The following PCNX2 variants were observed in gnomAD, a reference collection of about 807,000 sequenced individuals.
PCNX2 encodes pecanex-like protein 2.
Under a neutral mutation model 223.8 loss-of-function variants are expected in PCNX2, and 168 were observed. That is an observed-to-expected ratio of 0.75 (90% CI 0.66 to 0.85). The LOEUF is 0.85. PCNX2 is among the 40% of genes least tolerant of loss of function. The probability of loss-of-function intolerance (pLI) is 0.00; values close to 1 mark genes in which losing one functional copy is unlikely to be tolerated. For synonymous variants in PCNX2, 1,006 were observed against 1,052.6 expected (o/e 0.96, Z 0.86); for missense variants, 2,507 against 2,675.5 (o/e 0.94, Z 1.39).
chr1:233,068,589 A>G (rs1429999602), intron 23 of PCNX2, among the ~76,000 whole-genome samples: 3 of 152,170 alleles, frequency 2.0e-5, no homozygotes, highest in Non-Finnish European at 2.9e-5. Flanking sequence ...AGGGGAAGCT[A>G]AATGGACATG....
intron 1 of PCNX2, among the ~76,000 whole-genome samples, chr1:233,268,945 G>A (rs951692475): frequency 2.6e-5 from 4 of 152,162 alleles, no homozygotes; most frequent in African/African-American, 9.7e-5. Flanking sequence ...ATACTGCAAG[G>A]CCTCCAGTGT....
At chr1:233,249,260 A>T (rs547623832) in intron 8 of PCNX2, among the ~76,000 whole-genome samples, 2 of 152,354 alleles carry the variant, frequency 1.3e-5, no homozygotes, top group Middle Eastern at 3.4e-3. Context: ...GGGGGGAAAA[A>T]ATTAAAAACA....
chr1:233,120,970 T>C (rs1675748970), intron 21 of PCNX2, among the ~76,000 whole-genome samples: 1 of 151,964 alleles, frequency 6.6e-6, no homozygotes, highest in Non-Finnish European at 1.5e-5. Context: ...TAAGTCAGCA[T>C]AGCAAGGCTG....
chr1:233,303,533 A>T, the PCNX2 span, among the ~76,000 whole-genome samples: 1 of 152,212 alleles, frequency 6.6e-6, no homozygotes, highest in African/African-American at 2.4e-5. Context: ...ATATATGTAC[A>T]TATATATCTA....
At chr1:233,155,825 T>A (rs12067596) in intron 19 of PCNX2, among the ~76,000 whole-genome samples, 12,147 of 152,260 alleles carry the variant, frequency 0.08, 1,445 homozygotes, top group African/African-American at 0.26. Context: ...GGAATCATTA[T>A]AATTCAGGAA....
chr1:233,067,365 C>CAAAAA (rs750823791), intron 23 of PCNX2, among the ~76,000 whole-genome samples: 6 of 3,888 alleles, frequency 1.5e-3, no homozygotes, highest in Non-Finnish European at 1.8e-3. Flanking sequence ...AGAGCTTCAG[C>CAAAAA]AAAAAAAAAA....
rs76165860 is a variant in PCNX2 at position 233,139,357 on chromosome 1, A to G, written c.3659+357T>C. ...GTATTTGCTAAATGAAATGACATGA[A>G]GCAGTTCATAAAGCTCTAAGCATGA... On this transcript the variant is annotated intron_variant, in intron 20 of 33. Coordinates refer to ENST00000258229, the MANE Select transcript of PCNX2 (RefSeq NM_014801.4). The surrounding 1 kb of genome is among the most constrained non-coding windows in gnomAD (Gnocchi z 4.4). 0.033 allele frequency among the ~76,000 whole-genome samples: 5,061 copies of G among 152,278 alleles called. 116 individuals carry two copies. The highest frequency in any genetic ancestry group is 0.067 in the African/African-American group (2,788 of 41,542).
In PCNX2 at chr1:233,001,645, G is replaced by A; in HGVS notation, c.4989C>T (p.Phe1663=). Residue 1663 remains phenylalanine (F), a synonymous_variant, in exon 29 of 34, where the codon TTC becomes TTT. Transcript: ENST00000258229. This position sits in a 1 kb window ranked among gnomAD's most constrained non-coding sequence, Gnocchi z 4.2. The stretch of plus-strand genomic sequence containing the variant: ...GTGCTGTTATTCTGAAGTCACCTTT[G>A]AAGAGGACATGGAGGCCATACAGGA... ...DSFLYGLHVL[F]KGDFRITARD... is the part of the protein sequence containing the mutation. 1.3e-6 allele frequency: 2 copies of A among 1,594,432 alleles called. No homozygotes were observed. Among genetic ancestry groups the A allele is most frequent in the South Asian group, 1.1e-5 (1 of 86,960 alleles).
At chr1:233,062,394 G>A (rs1489871767) in intron 23 of PCNX2, among the ~76,000 whole-genome samples, 1 of 152,080 alleles carries the variant, frequency 6.6e-6, no homozygotes, top group Non-Finnish European at 1.5e-5. Flanking sequence ...AGAAAAGTGA[G>A]TCACATTTTC....
intron 21 of PCNX2, chr1:233,112,709 T>TGGTGG: frequency 1.8e-6 from 1 of 567,776 alleles, no homozygotes; most frequent in South Asian, 4.2e-5. Context: ...GTGTAGATCT[T>TGGTGG]TGAACAATAT....
chr1:233,263,318 G>C (rs1490192781), intron 1 of PCNX2, 155 bp from the exon 2 acceptor site: 1 of 288,560 alleles, frequency 3.5e-6, no homozygotes, highest in Non-Finnish European at 5.2e-6. Context: ...AAATACTTGA[G>C]GAGAAAGAGC....
chr1:233,007,572 C>A (rs1301728100), intron 28 of PCNX2, among the ~76,000 whole-genome samples: 1 of 152,164 alleles, frequency 6.6e-6, no homozygotes, highest in Non-Finnish European at 1.5e-5. Flanking sequence ...GAGTCTCTCT[C>A]TGTTGCCCAG....
chr1:233,327,017 C>G, the PCNX2 span, among the ~76,000 whole-genome samples: 4 of 152,156 alleles, frequency 2.6e-5, no homozygotes, highest in Non-Finnish European at 5.9e-5. Flanking sequence ...TTCTGAGATG[C>G]ACGGTGGCTC....
At chr1:233,265,887 G>A (rs974131172) in intron 1 of PCNX2, among the ~76,000 whole-genome samples, 10 of 152,208 alleles carry the variant, frequency 6.6e-5, no homozygotes, top group African/African-American at 2.4e-4. Flanking sequence ...CCAATATTCA[G>A]AGAGATATTG....
chr1:233,200,156 G>A lies in PCNX2; in HGVS notation c.2972C>T (p.Ser991Phe). The A allele has an allele frequency of 1.9e-6, 3 of 1,571,704 alleles. No individual in the cohort carries two copies. The highest frequency in any genetic ancestry group is 1.4e-5 in the African/African-American group (1 of 73,992). Residue 991 changes from serine to phenylalanine, a missense_variant and splice_region_variant, in exon 14 of 34, where the codon TCT (serine) becomes TTT (phenylalanine). Ser to Phe is a radical substitution (Grantham distance 155). Transcript: ENST00000258229. ...AGAATAGAATGTAAACGACTTACCA[G>A]AACCACCAAAAAACAGCATGTCAAT... ...EQIDMLFFGGSAVSGITSAVY... is the reference protein window; with the variant it reads ...EQIDMLFFGGFAVSGITSAVY...
At chr1:232,984,520 T>C in intron 33 of PCNX2, 43 bp from the exon 34 acceptor site, 1 of 1,585,668 alleles carries the variant, frequency 6.3e-7, no homozygotes, top group Non-Finnish European at 8.6e-7. Context: ...TCAGCAAACG[T>C]TCACTACCCA....
chr1:232,999,707 G>A (rs1473765395), intron 30 of PCNX2: 4 of 263,020 alleles, frequency 1.5e-5, no homozygotes, highest in African/African-American at 4.6e-5. Context: ...ACACGCCTCG[G>A]CCAATCTATT....
Position 232,997,455 on chromosome 1 carries a change from C to T in PCNX2, c.5791+796G>A, listed in dbSNP as rs147829166. 2.5e-3 allele frequency among the ~76,000 whole-genome samples: 379 copies of T among 152,260 alleles called. 1 individual carries two copies. Among genetic ancestry groups the T allele is most frequent in the African/African-American group, 7.7e-3 (318 of 41,556 alleles). ...AGCATGCACAGAGGCACTTATTAAA[C>T]GCTTCTGGATGGTGAGGAAGAACTG... On this transcript the variant is annotated intron_variant, in intron 32 of 33. Transcript: ENST00000258229.
Position 233,217,726 on chromosome 1 carries a change from T to C in PCNX2, c.2691+173A>G, listed in dbSNP as rs2357582. Among the ~76,000 whole-genome samples, 13,713 of 152,186 alleles carry C rather than the reference T, an allele frequency of 0.09. 1,962 individuals are homozygous for C. The highest frequency in any genetic ancestry group is 0.31 in the African/African-American group (12,650 of 41,470). ...TACCACCCACACCATGCTCTCAGACTTAGCTGGAAGCTGGCCACCATGCAC... is the reference window on the plus strand; with the variant it reads ...TACCACCCACACCATGCTCTCAGACCTAGCTGGAAGCTGGCCACCATGCAC... On this transcript the variant is annotated intron_variant, in intron 12 of 33. Coordinates refer to ENST00000258229, the MANE Select transcript of PCNX2 (RefSeq NM_014801.4).
Sources: allele counts gnomAD v4.1 joint callset (sites outside exome capture counted in the v4.1 genomes callset), GRCh38; gene constraint gnomAD v4.1.1; non-coding constraint Gnocchi (gnomAD v3.1); transcripts MANE v1.5; gene names NCBI Gene and HGNC (gene_info 2026-07-23, HGNC 2026-07-21).